JARID2: variants seen among roughly 807,000 people sequenced by gnomAD.
The protein encoded by JARID2 is jumonji and AT-rich interaction domain containing 2.
Under a neutral mutation model 125.6 loss-of-function variants are expected in JARID2, and 21 were observed. The observed-to-expected ratio is 0.17, with a 90% CI of 0.12 to 0.24. The LOEUF (loss-of-function observed/expected upper bound fraction) is 0.24. Among genes scored for constraint, JARID2 ranks in the 10% least tolerant of loss-of-function variants. The pLI is 1.00. For missense variants in JARID2, 1,303 were observed against 1,639.6 expected (o/e 0.79, Z 3.55); for synonymous variants, 736 against 661.6 (o/e 1.11, Z -1.73).
At chr6:15,268,914 G>A (rs1198266719) in intron 1 of JARID2, among the ~76,000 whole-genome samples, 2 of 152,130 alleles carry the variant, frequency 1.3e-5, no homozygotes, top group Non-Finnish European at 2.9e-5. Flanking sequence ...AAGGAAGTTC[G>A]GGGCTCTAAC....
At chr6:15,504,852 C>A (rs138617863) in intron 9 of JARID2, among the ~76,000 whole-genome samples, 21 of 152,286 alleles carry the variant, frequency 1.4e-4, no homozygotes, top group African/African-American at 5.1e-4. Flanking sequence ...CTGGGCACGT[C>A]CCCTGCTCCC....
At chr6:15,347,021 A>G (rs551544997) in intron 1 of JARID2, among the ~76,000 whole-genome samples, 1 of 152,338 alleles carries the variant, frequency 6.6e-6, no homozygotes, top group East Asian at 1.9e-4. Flanking sequence ...GGTGTGAGCC[A>G]CCATTCCCTG....
intron 5 of JARID2, among the ~76,000 whole-genome samples, chr6:15,472,191 T>C (rs1378622648): frequency 9.2e-5 from 14 of 151,956 alleles, no homozygotes; most frequent in Admixed American, 9.2e-4. Context: ...TGGTCTTGGG[T>C]AAGCACCGAC....
intron 1 of JARID2, among the ~76,000 whole-genome samples, chr6:15,368,398 A>G (rs954555800): frequency 1.3e-5 from 2 of 152,200 alleles, no homozygotes; most frequent in African/African-American, 2.4e-5. Flanking sequence ...CATCCCTGCA[A>G]AGAAACAGTC....
At chr6:15,403,043 T>C (rs1298076649) in intron 2 of JARID2, among the ~76,000 whole-genome samples, 3 of 152,076 alleles carry the variant, frequency 2.0e-5, no homozygotes, top group Non-Finnish European at 2.9e-5. Context: ...CTGATTGTTA[T>C]AAAGGTCATA....
chr6:15,259,775 A>G (rs1350126921), intron 1 of JARID2, among the ~76,000 whole-genome samples: 3 of 152,248 alleles, frequency 2.0e-5, no homozygotes, highest in Non-Finnish European at 4.4e-5. Context: ...GATGGGGGTT[A>G]CTTTTATATA....
chr6:15,501,546 G>T, intron 8 of JARID2, 137 bp downstream of exon 8: 1 of 748,458 alleles, frequency 1.3e-6, no homozygotes, highest in Non-Finnish European at 2.1e-6. Flanking sequence ...ACTGTGCTGG[G>T]TGATAGCGCT....
intron 1 of JARID2, among the ~76,000 whole-genome samples, chr6:15,324,942 T>C (rs1209371028): frequency 6.6e-6 from 1 of 152,018 alleles, no homozygotes; most frequent in African/African-American, 2.4e-5. Flanking sequence ...TCAACAGCCC[T>C]GAAAGGAATA....
chr6:15,512,763 C>T lies in JARID2; in HGVS notation c.3136-152C>T, dbSNP rs910603861. 28 of 839,100 alleles carry T rather than the reference C, an allele frequency of 3.3e-5. No homozygotes were observed. In the African/African-American group the frequency reaches 4.2e-4, roughly 13 times the overall value. 52.0% of individuals were successfully genotyped at this position (839,100 alleles called of 1,614,324 possible). ...TTTTCCTGGTATGTGGTGCCTTTCTCACAGGGAGGCAAAGTTTTGAAGAGT... is the reference window on the plus strand; with the variant it reads ...TTTTCCTGGTATGTGGTGCCTTTCTTACAGGGAGGCAAAGTTTTGAAGAGT... On this transcript the variant is annotated intron_variant, in intron 14 of 17. Coordinates refer to ENST00000341776, the MANE Select transcript of JARID2 (RefSeq NM_004973.4).
At chr6:15,477,072 T>A (rs976180579) in intron 5 of JARID2, among the ~76,000 whole-genome samples, 3 of 152,216 alleles carry the variant, frequency 2.0e-5, no homozygotes, top group African/African-American at 7.2e-5. Context: ...TTGTTTCTTT[T>A]GTGCATATCG....
chr6:15,498,778 TAGGAAGCAGTGC>T, intron 7 of JARID2, among the ~76,000 whole-genome samples: 1 of 152,326 alleles, frequency 6.6e-6, no homozygotes, highest in South Asian at 2.1e-4. Flanking sequence ...TAGCACGTGA[TAGGAAGCAGTGC>T]AGGGAGCAGG....
At chr6:15,503,321 G>A (rs753639362) in intron 8 of JARID2, among the ~76,000 whole-genome samples, 4 of 152,154 alleles carry the variant, frequency 2.6e-5, no homozygotes, top group Admixed American at 1.3e-4. Flanking sequence ...TATCAGGAGC[G>A]GCTTGGAATT....
chr6:15,317,811 C>T (rs1326559501), intron 1 of JARID2, among the ~76,000 whole-genome samples: 1 of 152,222 alleles, frequency 6.6e-6, no homozygotes, highest in Non-Finnish European at 1.5e-5. Flanking sequence ...TTGCACACAG[C>T]TGGCGCGTGG....
intron 1 of JARID2, among the ~76,000 whole-genome samples, chr6:15,339,554 TAAGAGAGTTTCGC>T (rs1762997089): frequency 1.4e-5 from 2 of 146,860 alleles, no homozygotes; most frequent in African/African-American, 5.0e-5. Flanking sequence ...TTTTTTTCCT[TAAGAGAGTTTCGC>T]TCTTGTTACC....
In JARID2 at chr6:15,459,561, A is replaced by AT. The variant is rs1192454394; in HGVS notation, c.493+7392dup. The stretch of plus-strand genomic sequence containing the variant: ...AGGTCCAACTGTACATTTATTTACC[A>AT]TTTTTTCCAGTGAATTGAGGCAGAG... On this transcript the variant is annotated intron_variant, in intron 4 of 17. Coordinates refer to ENST00000341776, the MANE Select transcript of JARID2 (RefSeq NM_004973.4). 2.0e-5 allele frequency among the ~76,000 whole-genome samples: 3 copies of AT among 152,078 alleles called. No individual in the cohort carries two copies. The East Asian group carries it at 5.8e-4, about 29-fold the overall frequency.
intron 3 of JARID2, among the ~76,000 whole-genome samples, chr6:15,415,326 C>T (rs556620204): frequency 9.2e-5 from 14 of 152,384 alleles, no homozygotes; most frequent in South Asian, 4.1e-4. Context: ...AATGAGCTGC[C>T]GGCTACACCT....
At chr6:15,424,791 G>A (rs1407474175) in intron 3 of JARID2, among the ~76,000 whole-genome samples, 2 of 152,136 alleles carry the variant, frequency 1.3e-5, no homozygotes, top group Admixed American at 6.5e-5. Flanking sequence ...CCAAGGAGGC[G>A]GAGGTTGCGG....
intron 3 of JARID2, among the ~76,000 whole-genome samples, chr6:15,446,673 C>A (rs976458120): frequency 3.3e-5 from 5 of 152,198 alleles, no homozygotes; most frequent in Non-Finnish European, 5.9e-5. Flanking sequence ...GGGATCAAAT[C>A]CGTAAATGGT....
intron 1 of JARID2, among the ~76,000 whole-genome samples, chr6:15,278,681 G>A (rs1014970997): frequency 3.3e-5 from 5 of 152,206 alleles, no homozygotes; most frequent in Admixed American, 6.5e-5. Flanking sequence ...AGCAGAGGAA[G>A]GGTCTGGGGG....
Sources: gnomAD v4.1 joint callset for allele counts (sites outside exome capture counted in the v4.1 genomes callset) on GRCh38, gnomAD v4.1.1 for gene constraint, MANE v1.5 for transcripts, NCBI Gene and HGNC (gene_info 2026-07-23, HGNC 2026-07-21) for gene names.